GCNA: variants seen among roughly 807,000 people sequenced by gnomAD.
The protein encoded by GCNA is germ cell nuclear acidic protein.
In GCNA, 3 loss-of-function variants were observed where a neutral mutation model predicts 38.8. The observed-to-expected ratio is 0.08, with a 90% CI of 0.04 to 0.20. The LOEUF (loss-of-function observed/expected upper bound fraction) is 0.20. Among genes scored for constraint, GCNA ranks in the 10% least tolerant of loss-of-function variants. The pLI is 1.00. For synonymous variants in GCNA, 195 were observed against 240.2 expected, an observed-to-expected ratio of 0.81 and a Z score of 1.74; for missense variants, 446 against 578.6, an observed-to-expected ratio of 0.77 and a Z score of 2.35.
chrX:71,598,104 C>A, intron 7 of GCNA, 66 bp downstream of exon 7: 2 of 845,719 alleles, frequency 2.4e-6, no homozygotes, highest in East Asian at 3.2e-5. Context: ...GTGGTACTTT[C>A]AGGATCAGAG....
At chrX:71,580,516 C>T in intron 1 of GCNA, 1 of 176,649 alleles carries the variant, frequency 5.7e-6, no homozygotes, top group Non-Finnish European at 1.0e-5. Flanking sequence ...GCTCTGTGGC[C>T]CAGGCTGGAG....
At chrX:71,612,281 A>G (rs28611768) in intron 11 of GCNA, 74 bp from the exon 12 acceptor site, 1 of 790,467 alleles carries the variant, frequency 1.3e-6, no homozygotes, top group Non-Finnish European at 1.7e-6. Context: ...ATCTCAAAAA[A>G]GGAAAAAAAA....
intron 2 of GCNA, among the ~76,000 whole-genome samples, chrX:71,589,905 C>T (rs904037792): frequency 9.1e-6 from 1 of 109,735 alleles, no homozygotes; most frequent in Non-Finnish European, 1.9e-5. Context: ...CCCGACCTCT[C>T]GGGCTGAAGC....
At chrX:71,582,925 G>A (rs2040557532) in intron 2 of GCNA, among the ~76,000 whole-genome samples, 1 of 111,897 alleles carries the variant, frequency 8.9e-6, no homozygotes, top group African/African-American at 3.2e-5. Context: ...AGAGAAATAT[G>A]TACAAGAACA....
intron 11 of GCNA, among the ~76,000 whole-genome samples, chrX:71,611,085 A>G (rs2040807161): frequency 8.9e-6 from 1 of 112,019 alleles, no homozygotes; most frequent in Non-Finnish European, 1.9e-5. Context: ...TCAGGAGCTG[A>G]GGTTCAAGGT....
chrX:71,609,036 T>C lies in GCNA; in HGVS notation c.1530T>C (p.Ser510=). Residue 510 remains serine, a synonymous_variant, in exon 10 of 13, where the codon TCT becomes TCC. Transcript: ENST00000373696. Reference sequence around the variant, plus strand: ...ACCTTGAAAAGTCAAAGAAATACTCTGGAAAAAATTTAAAGCGAAATAAGG... The same window carrying C: ...ACCTTGAAAAGTCAAAGAAATACTCCGGAAAAAATTTAAAGCGAAATAAGG... The part of the protein sequence containing the change: ...LQDLEKSKKY[S]GKNLKRNKDE... The C allele has an allele frequency of 8.3e-7, 1 of 1,211,141 alleles. No homozygotes were observed. Among genetic ancestry groups the C allele is most frequent in the Non-Finnish European group, 1.1e-6 (1 of 894,973 alleles).
intron 6 of GCNA, 35 bp from the exon 7 acceptor site, chrX:71,597,915 C>A: frequency 9.3e-7 from 1 of 1,078,822 alleles, no homozygotes; most frequent in Non-Finnish European, 1.3e-6. Flanking sequence ...TGCGTTCATA[C>A]TTCTCTCTTG....
At chrX:71,607,958 T>C (rs940148160) in intron 9 of GCNA, among the ~76,000 whole-genome samples, 6 of 111,963 alleles carry the variant, frequency 5.4e-5, no homozygotes, top group Admixed American at 2.8e-4. Flanking sequence ...CAGTGGTAGC[T>C]GGGAATAGAG....
intron 2 of GCNA, among the ~76,000 whole-genome samples, chrX:71,582,834 T>C (rs1016258622): frequency 2.7e-5 from 3 of 112,307 alleles, no homozygotes; most frequent in Non-Finnish European, 5.6e-5. Context: ...GTTCATGTAA[T>C]CATATATAGA....
intron 1 of GCNA, among the ~76,000 whole-genome samples, chrX:71,578,807 G>C (rs2040520904): frequency 9.0e-6 from 1 of 110,535 alleles, no homozygotes; most frequent in Non-Finnish European, 1.9e-5. Flanking sequence ...GGAGCAGCTG[G>C]TAGTGCCAGT....
At position 71,610,711 on chromosome X, in the gene GCNA, A is replaced by G; in HGVS notation, c.1642A>G (p.Asn548Asp). 1.6e-6 allele frequency: 2 copies of G among 1,212,399 alleles called. No homozygotes were observed. Among genetic ancestry groups the G allele is most frequent in the South Asian group, 3.5e-5 (2 of 56,948 alleles). ...AGAGAAACTACGCATAGGCTGGAAT[A>G]ACAAGATGGTGAAAACTGCTGGCTT... ...LPEKLRIGWN[N>D]KMVKTAGLCS... Residue 548 changes from asparagine to aspartate, a missense_variant, in exon 11 of 13, where the codon AAC (asparagine) becomes GAC (aspartate). Around this residue, in one of 7 missense-constraint regions of GCNA, gnomAD observed 60 missense variants for 111.0 expected, o/e 0.54. Transcript: ENST00000373696.
In GCNA at chrX:71,604,672, A is replaced by G; in HGVS notation, c.1395A>G (p.Thr465=). ...CGAAAACCAAAAATGTATCTGTGAC[A>G]CCTGGTAAGCCAGTCATGCCAAGTA... ...RKAKTKNVSV[T]PGHKKRGPSK... is the part of the protein sequence containing the mutation. Residue 465 remains threonine, a synonymous_variant, in exon 8 of 13, where the codon ACA becomes ACG. Coordinates refer to ENST00000373696, the MANE Select transcript of GCNA (RefSeq NM_052957.5). 2 of 1,209,177 alleles carry G rather than the reference A, an allele frequency of 1.7e-6. No homozygotes were observed. Among genetic ancestry groups the G allele is most frequent in the Non-Finnish European group, 2.2e-6 (2 of 894,466 alleles).
Position 71,603,916 on chromosome X carries a change from T to C in GCNA, c.639T>C (p.Asp213=). 8.3e-7 allele frequency: 1 copy of C among 1,206,671 alleles called. No individual in the cohort carries two copies. The highest frequency in any genetic ancestry group is 1.1e-6 in the Non-Finnish European group (1 of 893,778). Residue 213 remains aspartate, a synonymous_variant, in exon 8 of 13, where the codon GAT becomes GAC. Coordinates refer to ENST00000373696, the MANE Select transcript of GCNA (RefSeq NM_052957.5). The part of the protein sequence containing the change: ...DSSDDNSDDS[D]VPDDKSDDSD... Reference sequence around the variant, plus strand: ...CCGACGACAACAGTGATGATTCGGATGTTCCCGACGACAAGAGTGATGATT... The same window carrying C: ...CCGACGACAACAGTGATGATTCGGACGTTCCCGACGACAAGAGTGATGATT...
Position 71,603,568 on chromosome X carries a change from T to C in GCNA, c.311-20T>C. ...GTAGAGGGAGTATATTTACATATGA[T>C]TGTGTCTCTTGAATTTCAGATGAGA... On this transcript the variant is annotated intron_variant, in intron 7 of 12. Transcript: ENST00000373696. 1 of 1,198,007 alleles carries C rather than the reference T, an allele frequency of 8.3e-7. No homozygotes were observed. Among genetic ancestry groups the C allele is most frequent in the Non-Finnish European group, 1.1e-6 (1 of 888,382 alleles).
In GCNA at chrX:71,582,950, G is replaced by A. The variant is rs1401834318; in HGVS notation, c.59+2070G>A. 2.7e-5 allele frequency among the ~76,000 whole-genome samples: 3 copies of A among 111,891 alleles called. No individual in the cohort carries two copies. In the East Asian group the frequency reaches 8.4e-4, roughly 31 times the overall value. The stretch of plus-strand genomic sequence containing the variant: ...GTACAAGAACATTCATTGCAGCACT[G>A]TTTGTAATAGCACAAATTTGAAAAG... On this transcript the variant is annotated intron_variant, in intron 2 of 12. Coordinates refer to ENST00000373696, the MANE Select transcript of GCNA (RefSeq NM_052957.5).
At chrX:71,596,079 G>A (rs1477113514) in intron 6 of GCNA, among the ~76,000 whole-genome samples, 1 of 111,544 alleles carries the variant, frequency 9.0e-6, no homozygotes, top group Admixed American at 9.5e-5. Context: ...AGCAGGGTGT[G>A]GTAGCATGTG....
chrX:71,593,245 C>T (rs1264296450), intron 4 of GCNA, among the ~76,000 whole-genome samples: 1 of 111,977 alleles, frequency 8.9e-6, no homozygotes, highest in Non-Finnish European at 1.9e-5. Context: ...GCTATTATGT[C>T]CCCCTCCTTT....
chrX:71,595,044 T>A (rs2147719565), intron 6 of GCNA, among the ~76,000 whole-genome samples: 1 of 111,253 alleles, frequency 9.0e-6, no homozygotes, highest in Admixed American at 9.6e-5. Flanking sequence ...ATCCAGGCTC[T>A]ACTAGTCTAA....
At chrX:71,580,932 A>C in intron 2 of GCNA, 52 bp downstream of exon 2, 1 of 1,085,967 alleles carries the variant, frequency 9.2e-7, no homozygotes, top group Non-Finnish European at 1.3e-6. Flanking sequence ...CCGTATTGGC[A>C]AAACAGCTTT....
Sources: gnomAD v4.1 joint callset for allele counts (sites outside exome capture counted in the v4.1 genomes callset) on GRCh38, gnomAD v4.1.1 for gene constraint, gnomAD v4.1.1 regional missense constraint, MANE v1.5 for transcripts, NCBI Gene and HGNC (gene_info 2026-07-23, HGNC 2026-07-21) for gene names.